Variants in SLC2A10 observed in about 807,000 individuals in gnomAD.
The protein encoded by SLC2A10 is solute carrier family 2, facilitated glucose transporter member 10.
In SLC2A10, 25 loss-of-function variants were observed where a neutral mutation model predicts 32.1. That is an observed-to-expected ratio of 0.78 (90% confidence interval 0.57 to 1.09). The LOEUF is 1.09. Among genes scored for constraint, SLC2A10 ranks in the 50% least tolerant of loss-of-function variants. The pLI is 0.00. For synonymous variants in SLC2A10, 332 were observed against 309.6 expected, an observed-to-expected ratio of 1.07 and a Z score of -0.76; for missense variants, 673 against 686.5, an observed-to-expected ratio of 0.98 and a Z score of 0.22.
At position 46,733,907 on chromosome 20, in the gene SLC2A10, C is replaced by G; in HGVS notation, c.*73C>G. The stretch of plus-strand genomic sequence containing the variant: ...TCTCCAGCATCCTGCTTCCTAGGCC[C>G]CAGAGCACAAGTTCCAGCTGGTCTT... On this transcript the variant is annotated 3_prime_UTR_variant, in exon 5 of 5. Coordinates refer to ENST00000359271, the MANE Select transcript of SLC2A10 (RefSeq NM_030777.4). 2.8e-6 allele frequency: 4 copies of G among 1,440,932 alleles called. No individual in the cohort carries two copies. Among genetic ancestry groups the G allele is most frequent in the Admixed American group, 1.8e-5 (1 of 56,236 alleles). 89.3% of individuals were successfully genotyped at this position (1,440,932 alleles called of 1,614,324 possible). A position where few individuals can be genotyped will look rare whatever the true frequency, so the allele number is the denominator to read the frequency against.
intron 1 of SLC2A10, among the ~76,000 whole-genome samples, chr20:46,721,232 C>A (rs149731502): frequency 2.0e-5 from 3 of 152,284 alleles, no homozygotes; most frequent in Admixed American, 6.5e-5. Context: ...AGGCATAACA[C>A]CAGGAGGCAT....
chr20:46,714,655 G>A (rs1441877349), intron 1 of SLC2A10: 1 of 153,030 alleles, frequency 6.5e-6, no homozygotes, highest in African/African-American at 2.4e-5. Context: ...TTGGCAAGGT[G>A]TGTGGGGCGG....
intron 1 of SLC2A10, among the ~76,000 whole-genome samples, chr20:46,722,380 G>A (rs13043534): frequency 0.01 from 1,585 of 152,340 alleles, 11 homozygotes; most frequent in Non-Finnish European, 0.017. Context: ...CCACAAGACC[G>A]TGGATTCCCA....
At chr20:46,728,844 T>C (rs113155636) in intron 3 of SLC2A10, among the ~76,000 whole-genome samples, 5,676 of 152,026 alleles carry the variant, frequency 0.037, 300 homozygotes, top group African/African-American at 0.12. Context: ...AGGCTGGTCT[T>C]GAACTCCTGA....
At chr20:46,721,343 G>GA (rs1004361446) in intron 1 of SLC2A10, among the ~76,000 whole-genome samples, 3 of 151,140 alleles carry the variant, frequency 2.0e-5, no homozygotes, top group African/African-American at 7.3e-5. Flanking sequence ...AAACAGAAAA[G>GA]AACCTTGTTT....
Position 46,725,094 on chromosome 20 carries a change from C to T in SLC2A10, c.58C>T (p.Leu20=). The change falls in exon 2 of 5, where the codon CTG becomes TTG. Residue 20 remains leucine, a synonymous_variant. Coordinates refer to ENST00000359271, the MANE Select transcript of SLC2A10 (RefSeq NM_030777.4). ...TGCCTCTGTGTCTTTGCTGGGTGGC[C>T]TGACCTTTGGTTATGAACTGGCAGT... ...LCASVSLLGG[L]TFGYELAVIS... is the part of the protein sequence containing the mutation. 1 of 1,614,222 alleles carries T rather than the reference C, an allele frequency of 6.2e-7. No individual in the cohort carries two copies. Among genetic ancestry groups the T allele is most frequent in the Non-Finnish European group, 8.5e-7 (1 of 1,180,034 alleles).
intron 1 of SLC2A10, among the ~76,000 whole-genome samples, chr20:46,719,432 G>C (rs1406782566): frequency 6.6e-6 from 1 of 152,172 alleles, no homozygotes; most frequent in African/African-American, 2.4e-5. Flanking sequence ...TGAACTCACA[G>C]TTCCATGTGT....
chr20:46,727,889 C>T (rs987507390), intron 3 of SLC2A10, among the ~76,000 whole-genome samples: 1 of 152,128 alleles, frequency 6.6e-6, no homozygotes, highest in Admixed American at 6.5e-5. Context: ...CAAGAGTTTC[C>T]TTCCCAAAGG....
intron 3 of SLC2A10, among the ~76,000 whole-genome samples, chr20:46,728,946 ATT>A (rs113226911): frequency 6.9e-6 from 1 of 144,798 alleles, no homozygotes; most frequent in African/African-American, 2.5e-5. Context: ...ATTTCTAAGG[ATT>A]TTTTTTTTTT....
chr20:46,731,442 G>A (rs972809433), intron 4 of SLC2A10, among the ~76,000 whole-genome samples: 4 of 152,226 alleles, frequency 2.6e-5, no homozygotes, highest in Non-Finnish European at 4.4e-5. Flanking sequence ...CTAGACAGCT[G>A]CCTGGCATCT....
Position 46,734,294 on chromosome 20 carries a change from AT to A in SLC2A10, c.*472del, listed in dbSNP as rs3091691. The A allele has an allele frequency of 0.39, 73,853 of 187,352 alleles. 12,730 individuals are homozygous for A. Among genetic ancestry groups the A allele is most frequent in the East Asian group, 0.56 (3,712 of 6,576 alleles). The allele number at this position is 187,352 out of a possible 1,614,324, so 11.6% of individuals were successfully genotyped here. Reference sequence around the variant, plus strand: ...GGAAGTCTCTTTTTTTACTCTTATCATTTTTTTTTTTTGAGGTGGAGTCTCA... The same window carrying A: ...GGAAGTCTCTTTTTTTACTCTTATCATTTTTTTTTTTGAGGTGGAGTCTCA... On this transcript the variant is annotated 3_prime_UTR_variant, in exon 5 of 5. Coordinates refer to ENST00000359271, the MANE Select transcript of SLC2A10 (RefSeq NM_030777.4).
chr20:46,731,498 G>C (rs955546883), intron 4 of SLC2A10, among the ~76,000 whole-genome samples: 3 of 152,196 alleles, frequency 2.0e-5, no homozygotes, highest in Admixed American at 2.0e-4. Context: ...TCCATCCTCT[G>C]GGATAAAAAG....
Position 46,725,923 on chromosome 20 carries a change from G to C in SLC2A10, c.887G>C (p.Arg296Pro), listed in dbSNP as rs558025597. 1 of 1,613,944 alleles carries C rather than the reference G, an allele frequency of 6.2e-7. No homozygotes were observed. Residue 296 changes from arginine to proline, a missense_variant, in exon 2 of 5, where the codon CGC becomes CCC. Physicochemically the swap from Arg to Pro is moderately radical, Grantham distance 103 (BLOSUM62 -2). Transcript: ENST00000359271. ...ATGGGGCTGGTGGACCGTGCAGGCC[G>C]CAGGGCTCTGTTGCTAGCTGGCTGT... ...TAMGLVDRAG[R>P]RALLLAGCAL...
intron 1 of SLC2A10, among the ~76,000 whole-genome samples, chr20:46,717,382 TTTTA>T (rs199530168): frequency 0.013 from 1,996 of 152,146 alleles, 34 homozygotes; most frequent in African/African-American, 0.036. Context: ...CAGTTCACCT[TTTTA>T]TTTATTTATT....
chr20:46,712,276 A>G (rs576638980), intron 1 of SLC2A10, among the ~76,000 whole-genome samples: 2 of 152,312 alleles, frequency 1.3e-5, no homozygotes, highest in African/African-American at 4.8e-5. Context: ...CTGGAGCTTC[A>G]GGGAAAGCCA....
chr20:46,718,599 A>AT (rs988836122), intron 1 of SLC2A10, among the ~76,000 whole-genome samples: 1 of 152,006 alleles, frequency 6.6e-6, no homozygotes, highest in African/African-American at 2.4e-5. Context: ...CCACAGGCCC[A>AT]TTTTTTATGT....
Position 46,734,147 on chromosome 20 carries a change from C to T in SLC2A10, c.*313C>T. On this transcript the variant is annotated 3_prime_UTR_variant, in exon 5 of 5. Transcript: ENST00000359271. ...TCTTTGTTGCACCATGGACTTTTCT[C>T]AAAGAATCTCAAGGGTACCAATCCT... is the stretch of plus-strand genomic sequence containing the variant. The T allele has an allele frequency of 2.3e-6, 1 of 434,878 alleles. No homozygotes were observed. Among genetic ancestry groups the T allele is most frequent in the Non-Finnish European group, 4.3e-6 (1 of 235,060 alleles). The allele number at this position is 434,878 out of a possible 1,614,324, so 26.9% of individuals were successfully genotyped here. A position where few individuals can be genotyped will look rare whatever the true frequency, so the allele number is the denominator to read the frequency against.
At chr20:46,732,929 T>A (rs533485939) in intron 4 of SLC2A10, among the ~76,000 whole-genome samples, 2 of 151,864 alleles carry the variant, frequency 1.3e-5, no homozygotes, top group African/African-American at 4.8e-5. Flanking sequence ...GGAAACAAGT[T>A]AGGAGTTTTG....
chr20:46,710,361 T>C (rs1038066946), intron 1 of SLC2A10: 9 of 276,788 alleles, frequency 3.3e-5, no homozygotes, highest in Non-Finnish European at 6.0e-5. Flanking sequence ...AGTGAGCACC[T>C]ACTACGTGCC....
Sources: allele counts gnomAD v4.1 joint callset (sites outside exome capture counted in the v4.1 genomes callset), GRCh38; gene constraint gnomAD v4.1.1; transcripts MANE v1.5; gene names NCBI Gene and HGNC (gene_info 2026-07-23, HGNC 2026-07-21).